ADAMTS19: variants seen among roughly 807,000 people sequenced by gnomAD.
ADAMTS19 encodes ADAM metallopeptidase with thrombospondin type 1 motif 19.
ADAMTS19 carries 93 observed loss-of-function variants against 153.3 expected under a neutral mutation model. The observed-to-expected ratio is 0.61, with a 90% CI of 0.51 to 0.72. ADAMTS19 has a LOEUF of 0.72. Among genes scored for constraint, ADAMTS19 ranks in the 30% least tolerant of loss-of-function variants. The probability of loss-of-function intolerance (pLI) is 0.00; values close to 1 mark genes in which losing one functional copy is unlikely to be tolerated. For synonymous variants in ADAMTS19, 600 were observed against 556.6 expected (o/e 1.08, Z -1.10); for missense variants, 1,482 against 1,552.1 (o/e 0.95, Z 0.76).
intron 3 of ADAMTS19, among the ~76,000 whole-genome samples, chr5:129,517,336 G>T (rs183891124): frequency 5.3e-5 from 8 of 151,954 alleles, no homozygotes; most frequent in Admixed American, 5.3e-4. Flanking sequence ...ATATTTCTTG[G>T]TTGATTTTCT....
chr5:129,464,712 C>T (rs1027667486), intron 2 of ADAMTS19, among the ~76,000 whole-genome samples: 2 of 152,164 alleles, frequency 1.3e-5, no homozygotes, highest in African/African-American at 2.4e-5. Flanking sequence ...GCAAAGCCTG[C>T]CTCTTCAAAG....
intron 8 of ADAMTS19, among the ~76,000 whole-genome samples, chr5:129,596,885 C>T (rs147970081): frequency 0.011 from 1,712 of 152,222 alleles, 16 homozygotes; most frequent in Middle Eastern, 0.027. Flanking sequence ...TTATTAAAAT[C>T]CCTATCAAGA....
chr5:129,733,950 TG>T (rs1458355193), intron 21 of ADAMTS19, among the ~76,000 whole-genome samples: 4 of 1,176 alleles, frequency 3.4e-3, no homozygotes, highest in Non-Finnish European at 4.8e-3. Flanking sequence ...TGTGCGTGTG[TG>T]TGTGTGTGTG....
At chr5:129,556,141 A>G (rs2126832088) in intron 7 of ADAMTS19, among the ~76,000 whole-genome samples, 1 of 152,228 alleles carries the variant, frequency 6.6e-6, no homozygotes, top group East Asian at 1.9e-4. Context: ...TTTCCTGTTG[A>G]TATAGTTATG....
chr5:129,476,241 C>T (rs1172403421), intron 2 of ADAMTS19, among the ~76,000 whole-genome samples: 4 of 152,042 alleles, frequency 2.6e-5, no homozygotes, highest in Non-Finnish European at 5.9e-5. Flanking sequence ...AATTTCAAAC[C>T]ACTAACAAGA....
At chr5:129,505,783 T>TG (rs1561542600) in intron 2 of ADAMTS19, among the ~76,000 whole-genome samples, 6 of 152,070 alleles carry the variant, frequency 3.9e-5, no homozygotes, top group African/African-American at 1.4e-4. Context: ...AAAATGCCTA[T>TG]GAAGATAGAA....
At chr5:129,610,620 C>T (rs868347642) in intron 8 of ADAMTS19, among the ~76,000 whole-genome samples, 4 of 152,142 alleles carry the variant, frequency 2.6e-5, no homozygotes, top group African/African-American at 7.2e-5. Flanking sequence ...GACATGAACT[C>T]ATCATTTTTT....
intron 21 of ADAMTS19, among the ~76,000 whole-genome samples, chr5:129,712,445 TTTG>T (rs1208643291): frequency 1.3e-5 from 2 of 152,186 alleles, no homozygotes; most frequent in African/African-American, 4.8e-5. Flanking sequence ...GACTTTCCAT[TTTG>T]TTGTTTAGAT....
At chr5:129,568,870 CA>C (rs200520352) in intron 7 of ADAMTS19, among the ~76,000 whole-genome samples, 44 of 150,224 alleles carry the variant, frequency 2.9e-4, no homozygotes, top group African/African-American at 1.1e-3. Context: ...AAAAAATATT[CA>C]AAAAAAATAG....
intron 7 of ADAMTS19, among the ~76,000 whole-genome samples, chr5:129,570,141 AT>A: frequency 6.6e-6 from 1 of 152,042 alleles, no homozygotes; most frequent in South Asian, 2.1e-4. Flanking sequence ...GTGGAAACAA[AT>A]TTTTTTGTGG....
intron 5 of ADAMTS19, among the ~76,000 whole-genome samples, chr5:129,528,055 T>C (rs1752078195): frequency 6.6e-6 from 1 of 151,954 alleles, no homozygotes; most frequent in Non-Finnish European, 1.5e-5. Context: ...AATCTTAACT[T>C]TCCAAAGTAT....
At chr5:129,539,970 A>G (rs1752601351) in intron 6 of ADAMTS19, among the ~76,000 whole-genome samples, 1 of 152,094 alleles carries the variant, frequency 6.6e-6, no homozygotes, top group East Asian at 1.9e-4. Context: ...TGGTTAATAA[A>G]GATTAAATGA....
chr5:129,503,103 C>G (rs1751155803), intron 2 of ADAMTS19, among the ~76,000 whole-genome samples: 1 of 152,096 alleles, frequency 6.6e-6, no homozygotes, highest in Non-Finnish European at 1.5e-5. Context: ...TGTGTTTGTT[C>G]ACATAGTAAA....
intron 8 of ADAMTS19, among the ~76,000 whole-genome samples, chr5:129,603,579 CCTAAGT>C (rs1189137469): frequency 1.3e-5 from 2 of 151,956 alleles, no homozygotes; most frequent in South Asian, 4.1e-4. Flanking sequence ...GAAAATTTAG[CCTAAGT>C]CTAAGATATT....
intron 15 of ADAMTS19, among the ~76,000 whole-genome samples, chr5:129,660,381 G>GT (rs1215324217): frequency 2.0e-5 from 3 of 151,756 alleles, no homozygotes; most frequent in Non-Finnish European, 2.9e-5. Flanking sequence ...GATGGCAGAA[G>GT]TTTTTTTTAT....
At chr5:129,610,093 TTATA>T (rs10618467) in intron 8 of ADAMTS19, among the ~76,000 whole-genome samples, 14,648 of 150,068 alleles carry the variant, frequency 0.098, 835 homozygotes, top group African/African-American at 0.14. Flanking sequence ...GGTAGTGGTA[TTATA>T]TATATATATA....
At chr5:129,536,646 A>G (rs1561557747) in intron 6 of ADAMTS19, among the ~76,000 whole-genome samples, 1 of 152,208 alleles carries the variant, frequency 6.6e-6, no homozygotes, top group Non-Finnish European at 1.5e-5. Flanking sequence ...ACAATAGCAA[A>G]GACTTGGAAC....
rs367752998 is a variant in ADAMTS19, at chr5:129,509,406, T to C, written c.913+164T>C. On this transcript the variant is annotated intron_variant, in intron 3 of 22. Coordinates refer to ENST00000274487, the MANE Select transcript of ADAMTS19 (RefSeq NM_133638.6). ...ATTATAGGATTATCTTTTAGTTTTT[T>C]ATGAAGCACTACATTTTAATATCAA... 1.6e-4 allele frequency among the ~76,000 whole-genome samples: 25 copies of C among 152,188 alleles called. 1 individual carries two copies. Among genetic ancestry groups the C allele is most frequent in the African/African-American group, 5.5e-4 (23 of 41,574 alleles).
At chr5:129,698,326 A>C (rs1426607114) in intron 19 of ADAMTS19, among the ~76,000 whole-genome samples, 2 of 152,232 alleles carry the variant, frequency 1.3e-5, no homozygotes, top group Admixed American at 6.5e-5. Flanking sequence ...TTACTGGAAG[A>C]GTACATCCTT....
Sources: gnomAD v4.1 joint callset for allele counts (sites outside exome capture counted in the v4.1 genomes callset) on GRCh38, gnomAD v4.1.1 for gene constraint, MANE v1.5 for transcripts, NCBI Gene and HGNC (gene_info 2026-07-23, HGNC 2026-07-21) for gene names.